ZWILCH: variants seen among roughly 807,000 people sequenced by gnomAD.
The protein encoded by ZWILCH is protein zwilch homolog.
A neutral mutation model predicts 79.9 loss-of-function variants in ZWILCH; 74 were observed. The observed-to-expected ratio is 0.93, with a 90% confidence interval of 0.77 to 1.12. ZWILCH has a LOEUF of 1.12. ZWILCH is among the 50% of genes most tolerant of loss of function. The pLI, the probability that ZWILCH is intolerant of heterozygous loss-of-function variation, is 0.00. For missense variants in ZWILCH, 694 were observed against 687.5 expected (o/e 1.01, Z -0.11); for synonymous variants, 241 against 228.2 (o/e 1.06, Z -0.51).
intron 1 of ZWILCH, among the ~76,000 whole-genome samples, chr15:66,506,140 C>G (rs1256879670): frequency 6.6e-6 from 1 of 152,106 alleles, no homozygotes; most frequent in African/African-American, 2.4e-5. Context: ...CTTTGAGAAC[C>G]GCTGTGTAAT....
chr15:66,549,718 G>A lies in ZWILCH; in HGVS notation c.*1394G>A, dbSNP rs781108333. 5.3e-5 allele frequency: 10 copies of A among 187,484 alleles called. No individual in the cohort carries two copies. The highest frequency in any genetic ancestry group is 8.7e-5 in the Non-Finnish European group (8 of 92,046). The allele number at this position is 187,484 out of a possible 1,614,324, so 11.6% of individuals were successfully genotyped here. On this transcript the variant is annotated 3_prime_UTR_variant, in exon 19 of 19. Transcript: ENST00000307897. ...AAGTATTCTTTTTTCCTTCATCCCA[G>A]TTGGTATAGTGGTTGGCTTTTCCTC...
chr15:66,528,772 C>G, intron 10 of ZWILCH, 80 bp from the exon 11 acceptor site: 1 of 1,183,290 alleles, frequency 8.5e-7, no homozygotes, highest in Admixed American at 2.1e-5. Context: ...TCCATAATTT[C>G]TCAGAGCAGC....
intron 15 of ZWILCH, 77 bp downstream of exon 15, chr15:66,536,146 T>C (rs1407589201): frequency 2.3e-6 from 3 of 1,306,536 alleles, no homozygotes; most frequent in Non-Finnish European, 3.1e-6. Context: ...ATGTACAGTT[T>C]TTATTACCAG....
intron 16 of ZWILCH, among the ~76,000 whole-genome samples, chr15:66,538,032 G>A (rs920244352): frequency 1.3e-5 from 2 of 152,316 alleles, no homozygotes; most frequent in Admixed American, 1.3e-4. Flanking sequence ...ATGACTGTGG[G>A]AGTGAGAGAA....
intron 18 of ZWILCH, chr15:66,548,140 A>G (rs988977738): frequency 4.2e-5 from 7 of 167,240 alleles, no homozygotes; most frequent in Non-Finnish European, 9.1e-5. Flanking sequence ...AATCATTTGA[A>G]CATTAAAGTA....
Position 66,518,912 on chromosome 15 carries a change from T to A in ZWILCH, c.354T>A (p.Asn118Lys). 1 of 1,614,238 alleles carries A rather than the reference T, an allele frequency of 6.2e-7. No homozygotes were observed. ...QLIGLYTMAHNPNMTHLKINL... is the reference protein window; with the variant it reads ...QLIGLYTMAHKPNMTHLKINL... ...TTGGACTTTACACCATGGCTCACAATCCTAATATGACCCATTTGAAGATTA... is the reference window on the plus strand; with the variant it reads ...TTGGACTTTACACCATGGCTCACAAACCTAATATGACCCATTTGAAGATTA... Residue 118 changes from asparagine (N) to lysine (K), a missense_variant, in exon 5 of 19, where the codon AAT (asparagine) becomes AAA (lysine). Coordinates refer to ENST00000307897, the MANE Select transcript of ZWILCH (RefSeq NM_017975.5).
chr15:66,543,201 A>T (rs971341883), intron 17 of ZWILCH, among the ~76,000 whole-genome samples: 3 of 152,188 alleles, frequency 2.0e-5, no homozygotes, highest in East Asian at 1.9e-4. Flanking sequence ...TCCATCTCAA[A>T]AAATAAATAA....
intron 2 of ZWILCH, among the ~76,000 whole-genome samples, chr15:66,511,323 A>T (rs1894054900): frequency 2.0e-5 from 3 of 151,950 alleles, no homozygotes; most frequent in Non-Finnish European, 2.9e-5. Context: ...TTGTCTCTAC[A>T]AAAAGCAAAA....
chr15:66,514,270 G>C (rs952936874), intron 3 of ZWILCH, 187 bp downstream of exon 3: 15 of 338,946 alleles, frequency 4.4e-5, no homozygotes, highest in Non-Finnish European at 5.4e-5. Context: ...ACATTTTCTT[G>C]TAGCCTCATT....
chr15:66,517,455 T>TATATATATATATATATAGAGAGAGAGAG (rs1180456312), intron 4 of ZWILCH, among the ~76,000 whole-genome samples: 1 of 115,220 alleles, frequency 8.7e-6, no homozygotes, highest in Non-Finnish European at 1.9e-5. Flanking sequence ...TATATATATA[T>TATATATATATATATATAGAGAGAGAGAG]AGTAATGTAC....
chr15:66,530,147 A>G (rs1894814951), intron 12 of ZWILCH, among the ~76,000 whole-genome samples: 1 of 152,240 alleles, frequency 6.6e-6, no homozygotes, highest in Admixed American at 6.5e-5. Context: ...TAAGTAAATA[A>G]TGATATAGCT....
rs772759748 is a variant in ZWILCH, at chr15:66,528,904, A to G, written c.1022A>G (p.Lys341Arg). ...GATCGTTCCGTCAAGCGTCTTTTCA[A>G]AGTTCGGAGTGATCTTGATTTTGCT... ...AVDRSVKRLF[K>R]VRSDLDFAEQ... The change falls in exon 11 of 19, where the codon AAA becomes AGA. Residue 341 changes from lysine (K) to arginine (R), a missense_variant. Lys to Arg is a conservative substitution (Grantham distance 26, BLOSUM62 2). Coordinates refer to ENST00000307897, the MANE Select transcript of ZWILCH (RefSeq NM_017975.5). The G allele has an allele frequency of 3.1e-6, 5 of 1,613,990 alleles. No homozygotes were observed. The Admixed American group carries it at 6.7e-5, about 22-fold the overall frequency.
chr15:66,531,249 A>C (rs75014037), intron 12 of ZWILCH, among the ~76,000 whole-genome samples: 1,970 of 152,310 alleles, frequency 0.013, 34 homozygotes, highest in African/African-American at 0.045. Context: ...GTTTAACTGC[A>C]GCAGCAGATT....
chr15:66,512,714 T>A (rs940561586), intron 2 of ZWILCH, among the ~76,000 whole-genome samples: 10 of 152,136 alleles, frequency 6.6e-5, no homozygotes, highest in Admixed American at 4.6e-4. Flanking sequence ...TTCAGGCAAT[T>A]CTCCTGGCTT....
chr15:66,537,075 A>G, intron 15 of ZWILCH, 93 bp from the exon 16 acceptor site: 1 of 875,820 alleles, frequency 1.1e-6, no homozygotes, highest in East Asian at 2.7e-5. Context: ...GTAGTACTCA[A>G]TAAAATGTTT....
At chr15:66,544,671 A>T (rs139066510) in intron 17 of ZWILCH, among the ~76,000 whole-genome samples, 1 of 150,742 alleles carries the variant, frequency 6.6e-6, no homozygotes, top group East Asian at 2.0e-4. Flanking sequence ...ACATAAATAT[A>T]TGTGAAACAT....
At chr15:66,518,539 G>A (rs765924431) in intron 4 of ZWILCH, among the ~76,000 whole-genome samples, 1 of 152,296 alleles carries the variant, frequency 6.6e-6, no homozygotes. Flanking sequence ...CTGGCTGGAC[G>A]TGGTGGCTCA....
At chr15:66,508,790 A>G in intron 1 of ZWILCH, 51 bp from the exon 2 acceptor site, 3 of 1,610,234 alleles carry the variant, frequency 1.9e-6, no homozygotes, top group Non-Finnish European at 2.5e-6. Context: ...GAGTGTGAAT[A>G]ACGGGAGAGA....
intron 2 of ZWILCH, among the ~76,000 whole-genome samples, chr15:66,512,325 C>G (rs1159264549): frequency 6.7e-6 from 1 of 150,202 alleles, no homozygotes; most frequent in Non-Finnish European, 1.5e-5. Flanking sequence ...GTAGTATGAT[C>G]AAAGTTCACT....
Sources: allele counts gnomAD v4.1 joint callset (sites outside exome capture counted in the v4.1 genomes callset), GRCh38; gene constraint gnomAD v4.1.1; transcripts MANE v1.5; gene names NCBI Gene and HGNC (gene_info 2026-07-23, HGNC 2026-07-21).